CSMD1: variants seen among roughly 807,000 people sequenced by gnomAD.
The protein encoded by CSMD1 is CUB and sushi domain-containing protein 1.
Under a neutral mutation model 417.5 loss-of-function variants are expected in CSMD1, and 213 were observed. The observed-to-expected ratio is 0.51, with a 90% confidence interval of 0.46 to 0.57. The LOEUF (loss-of-function observed/expected upper bound fraction) is 0.57. Among genes scored for constraint, CSMD1 ranks in the 20% least tolerant of loss-of-function variants. The pLI is 0.00. For missense variants in CSMD1, 6,923 were observed against 4,529.7 expected, an observed-to-expected ratio of 1.53 and a Z score of -15.17; for synonymous variants, 2,862 against 1,736.8, an observed-to-expected ratio of 1.65 and a Z score of -16.11.
At chr8:4,544,471 A>AT in intron 2 of CSMD1, among the ~76,000 whole-genome samples, 1 of 152,164 alleles carries the variant, frequency 6.6e-6, no homozygotes, top group African/African-American at 2.4e-5. Context: ...GTAACGTTAC[A>AT]TAAAAATTGA....
chr8:3,739,792 TA>T (rs5888991), intron 6 of CSMD1, among the ~76,000 whole-genome samples: 141,751 of 152,046 alleles, frequency 0.93, 66,906 homozygotes, highest in Non-Finnish European at 1. Flanking sequence ...TGGAAAAAGG[TA>T]AAAAAAAATT....
At chr8:3,835,937 G>C (rs1802668505) in intron 5 of CSMD1, among the ~76,000 whole-genome samples, 1 of 151,916 alleles carries the variant, frequency 6.6e-6, no homozygotes, top group Non-Finnish European at 1.5e-5. Flanking sequence ...GGAACAATAT[G>C]GGTCCAGGAA....
At position 4,472,761 on chromosome 8, in the gene CSMD1, A is replaced by T. The variant is rs561135640; in HGVS notation, c.303-52696T>A. ...ACTGTGGACGTTCACTTCTTTTAAT[A>T]TAGAAAGTTATTTTAAAATACCATT... On this transcript the variant is annotated intron_variant, in intron 2 of 69. Coordinates refer to ENST00000635120, the MANE Select transcript of CSMD1 (RefSeq NM_033225.6). Among the ~76,000 whole-genome samples, 6 of 152,164 alleles carry T rather than the reference A, an allele frequency of 3.9e-5. No homozygotes were observed. The East Asian group carries it at 1.2e-3, about 29-fold the overall frequency.
At chr8:3,306,936 T>G (rs1554508782) in intron 25 of CSMD1, among the ~76,000 whole-genome samples, 3 of 152,136 alleles carry the variant, frequency 2.0e-5, no homozygotes, top group Non-Finnish European at 2.9e-5. Context: ...ACTTTTTGTT[T>G]AAATGTTCAC....
Position 4,220,798 on chromosome 8 carries a change from G to C in CSMD1, c.416-188699C>G, listed in dbSNP as rs771303331. On this transcript the variant is annotated intron_variant, in intron 3 of 69. Coordinates refer to ENST00000635120, the MANE Select transcript of CSMD1 (RefSeq NM_033225.6). ...ACCCAAGAAATCCTTATAACGCACCGAACGCAGCTCAGGTAAGACACCATG... is the reference window on the plus strand; with the variant it reads ...ACCCAAGAAATCCTTATAACGCACCCAACGCAGCTCAGGTAAGACACCATG... Among the ~76,000 whole-genome samples, 5 of 152,178 alleles carry C rather than the reference G, an allele frequency of 3.3e-5. No homozygotes were observed. In the South Asian group the frequency reaches 8.3e-4, roughly 25 times the overall value.
chr8:4,632,487 G>C (rs1255180456), intron 2 of CSMD1, among the ~76,000 whole-genome samples: 1 of 152,172 alleles, frequency 6.6e-6, no homozygotes, highest in Non-Finnish European at 1.5e-5. Context: ...ACTCCAGCCT[G>C]GGTGACAAGA....
chr8:3,540,623 A>T (rs1188386565), intron 10 of CSMD1, among the ~76,000 whole-genome samples: 1 of 152,206 alleles, frequency 6.6e-6, no homozygotes, highest in East Asian at 1.9e-4. Flanking sequence ...AAATTTTTGC[A>T]ATCTATCCAT....
intron 52 of CSMD1, among the ~76,000 whole-genome samples, chr8:3,001,276 G>A (rs1318813635): frequency 2.6e-5 from 4 of 152,130 alleles, no homozygotes; most frequent in African/African-American, 9.7e-5. Context: ...GATGACAGGT[G>A]TGAGCCACCA....
At chr8:4,076,370 CCTGT>C (rs924932827) in intron 3 of CSMD1, among the ~76,000 whole-genome samples, 3 of 152,110 alleles carry the variant, frequency 2.0e-5, no homozygotes, top group African/African-American at 7.2e-5. Flanking sequence ...TAAAAGTTAC[CCTGT>C]CTGAGGTAGT....
intron 11 of CSMD1, among the ~76,000 whole-genome samples, chr8:3,474,744 T>C (rs1009621215): frequency 1.2e-4 from 18 of 152,214 alleles, no homozygotes; most frequent in Admixed American, 6.5e-4. Flanking sequence ...GAACTTACTA[T>C]ACTTTAACAT....
chr8:4,877,809 T>C (rs1376673792), intron 1 of CSMD1, among the ~76,000 whole-genome samples: 1 of 152,120 alleles, frequency 6.6e-6, no homozygotes, highest in African/African-American at 2.4e-5. Flanking sequence ...TCAAATCTTT[T>C]CACTAACAGG....
chr8:4,717,337 ACG>A (rs369123620), intron 1 of CSMD1, among the ~76,000 whole-genome samples: 52,265 of 143,864 alleles, frequency 0.36, 12,502 homozygotes, highest in African/African-American at 0.68. Flanking sequence ...ACACACACAC[ACG>A]TATATATACA....
intron 3 of CSMD1, among the ~76,000 whole-genome samples, chr8:4,354,322 C>T (rs1801271521): frequency 6.6e-6 from 1 of 152,114 alleles, no homozygotes; most frequent in African/African-American, 2.4e-5. Context: ...AACATTTCAA[C>T]TGTATAATCT....
intron 8 of CSMD1, among the ~76,000 whole-genome samples, chr8:3,605,638 G>A (rs1048744508): frequency 2.0e-5 from 3 of 151,982 alleles, no homozygotes; most frequent in African/African-American, 7.2e-5. Context: ...AATTCATAAA[G>A]CATATTTCAA....
chr8:3,981,739 C>A (rs1813887021), intron 5 of CSMD1, among the ~76,000 whole-genome samples: 1 of 152,112 alleles, frequency 6.6e-6, no homozygotes, highest in African/African-American at 2.4e-5. Context: ...ATTTAATAAA[C>A]GTGCTTGGAG....
intron 6 of CSMD1, among the ~76,000 whole-genome samples, chr8:3,726,855 C>T (rs984624764): frequency 3.3e-5 from 5 of 152,154 alleles, no homozygotes; most frequent in African/African-American, 1.2e-4. Context: ...CAATGTCTCC[C>T]TGCCCAAAGA....
intron 5 of CSMD1, among the ~76,000 whole-genome samples, chr8:3,791,469 C>G (rs896511844): frequency 6.6e-6 from 1 of 152,156 alleles, no homozygotes; most frequent in African/African-American, 2.4e-5. Flanking sequence ...GCTTGTAATA[C>G]GTTCTTTAGT....
chr8:3,107,656 G>C (rs1478238957), intron 45 of CSMD1, 62 bp downstream of exon 45: 10 of 900,162 alleles, frequency 1.1e-5, no homozygotes, highest in Non-Finnish European at 1.8e-5. Context: ...TGATTACAAT[G>C]AGAAGTGGGT....
At chr8:4,453,433 A>G (rs535974493) in intron 2 of CSMD1, among the ~76,000 whole-genome samples, 65 of 152,238 alleles carry the variant, frequency 4.3e-4, no homozygotes, top group Middle Eastern at 3.4e-3. Flanking sequence ...ACAGTTAGTC[A>G]CCCGTGTGTT....
Sources: gnomAD v4.1 joint callset for allele counts (sites outside exome capture counted in the v4.1 genomes callset) on GRCh38, gnomAD v4.1.1 for gene constraint, MANE v1.5 for transcripts, NCBI Gene and HGNC (gene_info 2026-07-23, HGNC 2026-07-21) for gene names.